The following STRN3 variants were observed in gnomAD, a reference collection of about 807,000 sequenced individuals.
The protein encoded by STRN3 is striatin-3.
A neutral mutation model predicts 95.6 loss-of-function variants in STRN3; 29 were observed. The ratio of observed to expected loss-of-function variants is 0.30; its 90% CI spans 0.23 to 0.41. The LOEUF is 0.41. Ranked by LOEUF, STRN3 falls within the 10% of genes least tolerant of loss-of-function variation. STRN3 has a pLI of 1.00. For missense variants in STRN3, 890 were observed against 972.1 expected (o/e 0.92, Z 1.12); for synonymous variants, 331 against 357.6 (o/e 0.93, Z 0.84).
At chr14:31,020,911 A>G (rs1883475998) in intron 1 of STRN3, among the ~76,000 whole-genome samples, 1 of 152,276 alleles carries the variant, frequency 6.6e-6, no homozygotes, top group Admixed American at 6.5e-5. Context: ...CTCTTGAAAA[A>G]AAAAAAAATT....
chr14:30,929,967 A>AAAAAAAAAAAAAAAAAAAAAC (rs1555317336), intron 7 of STRN3, among the ~76,000 whole-genome samples: 72 of 91,182 alleles, frequency 7.9e-4, no homozygotes, highest in Non-Finnish European at 1.0e-3. Flanking sequence ...AAAAAAAAAA[A>AAAAAAAAAAAAAAAAAAAAAC]AAAAAAAAAA....
rs143095251 is a variant in STRN3 at position 30,934,507 on chromosome 14, T to C, written c.988+656A>G. Among the ~76,000 whole-genome samples, 289 of 152,306 alleles carry C rather than the reference T, an allele frequency of 1.9e-3. 1 individual carries two copies. The highest frequency in any genetic ancestry group is 6.8e-3 in the African/African-American group (284 of 41,572). ...ATATTTTTACACTTATTTTACTTCC[T>C]AATGGGGTTTTTAACCATGTACAGA... On this transcript the variant is annotated intron_variant, in intron 7 of 17. Coordinates refer to ENST00000357479, the MANE Select transcript of STRN3 (RefSeq NM_001083893.2).
intron 1 of STRN3, among the ~76,000 whole-genome samples, chr14:31,003,666 C>T (rs541495573): frequency 8.5e-5 from 13 of 152,164 alleles, no homozygotes; most frequent in South Asian, 8.3e-4. Flanking sequence ...TACAGATGCT[C>T]GATCTTGAAC....
chr14:30,985,264 C>A (rs1415014208), intron 1 of STRN3, among the ~76,000 whole-genome samples: 2 of 142,730 alleles, frequency 1.4e-5, no homozygotes, highest in East Asian at 4.2e-4. Flanking sequence ...GCCACGATGG[C>A]ACCATTGCAC....
chr14:30,906,405 T>C (rs1896461618), intron 14 of STRN3, among the ~76,000 whole-genome samples: 2 of 152,228 alleles, frequency 1.3e-5, no homozygotes, highest in Admixed American at 1.3e-4. Flanking sequence ...AAAGCCTTTT[T>C]AAATAGGAAA....
At chr14:30,957,113 G>A (rs1879949240) in intron 1 of STRN3, among the ~76,000 whole-genome samples, 2 of 151,964 alleles carry the variant, frequency 1.3e-5, no homozygotes, top group South Asian at 4.1e-4. Flanking sequence ...AGCCGAGATG[G>A]TGCCACTGCA....
At chr14:30,959,695 A>T (rs1189814158) in intron 1 of STRN3, among the ~76,000 whole-genome samples, 6 of 152,028 alleles carry the variant, frequency 3.9e-5, no homozygotes, top group Middle Eastern at 6.3e-3. Context: ...GTGGCACATG[A>T]CTATAATGCC....
At chr14:30,979,310 A>G (rs985103929) in intron 1 of STRN3, among the ~76,000 whole-genome samples, 10 of 152,156 alleles carry the variant, frequency 6.6e-5, no homozygotes, top group African/African-American at 2.4e-4. Flanking sequence ...TTGTGAAGAT[A>G]AGGTCAAAGA....
chr14:30,966,530 C>A (rs144187573), intron 1 of STRN3, among the ~76,000 whole-genome samples: 1 of 152,082 alleles, frequency 6.6e-6, no homozygotes, highest in African/African-American at 2.4e-5. Flanking sequence ...AGGAATAACC[C>A]GAGCTCTCAG....
intron 8 of STRN3, among the ~76,000 whole-genome samples, chr14:30,927,117 A>G (rs977661200): frequency 6.6e-6 from 1 of 152,194 alleles, no homozygotes; most frequent in African/African-American, 2.4e-5. Context: ...CAGCTTGGGC[A>G]ATACAGAGAA....
chr14:30,975,377 A>T (rs1881042236), intron 1 of STRN3, among the ~76,000 whole-genome samples: 1 of 151,960 alleles, frequency 6.6e-6, no homozygotes, highest in Non-Finnish European at 1.5e-5. Context: ...TAAGAATGAT[A>T]TAATGAACTT....
At position 30,934,052 on chromosome 14, in the gene STRN3, G is replaced by A. The variant is rs756415566; in HGVS notation, c.988+1111C>T. Among the ~76,000 whole-genome samples, 59 of 152,260 alleles carry A rather than the reference G, an allele frequency of 3.9e-4. 1 individual carries two copies. Among genetic ancestry groups the A allele is most frequent in the Admixed American group, 3.7e-3 (57 of 15,296 alleles). On this transcript the variant is annotated intron_variant, in intron 7 of 17. Transcript: ENST00000357479. ...TAAAATAACCTTCTCCAGGCCAGGC[G>A]CGGTGGTTCATGCCTGTAATCCCAG...
intron 9 of STRN3, among the ~76,000 whole-genome samples, 183 bp from the exon 10 acceptor site, chr14:30,913,840 T>G (rs906013710): frequency 6.6e-6 from 1 of 152,236 alleles, no homozygotes; most frequent in African/African-American, 2.4e-5. Flanking sequence ...GGAACTGTGG[T>G]GTATTAACTG....
chr14:30,979,982 C>G (rs1293027275), intron 1 of STRN3, among the ~76,000 whole-genome samples: 1 of 115,648 alleles, frequency 8.6e-6, no homozygotes, highest in African/African-American at 2.9e-5. Flanking sequence ...GGTGCGGTGG[C>G]TCACGCCTGT....
chr14:30,950,760 C>A, intron 4 of STRN3, 103 bp downstream of exon 4: 1 of 1,097,324 alleles, frequency 9.1e-7, no homozygotes, highest in South Asian at 1.6e-5. Flanking sequence ...ATACAAAAAA[C>A]ATACACATTG....
chr14:31,018,550 G>C (rs1411618829), intron 1 of STRN3: 1 of 451,594 alleles, frequency 2.2e-6, no homozygotes, highest in African/African-American at 2.0e-5. Flanking sequence ...TGGCTGAAGA[G>C]GGACTGCACT....
intron 4 of STRN3, among the ~76,000 whole-genome samples, chr14:30,948,181 T>C (rs978801722): frequency 1.3e-5 from 2 of 152,234 alleles, no homozygotes; most frequent in Non-Finnish European, 2.9e-5. Context: ...GATGGTTACA[T>C]GATGGGTACA....
Position 31,025,909 on chromosome 14 carries a change from G to C in STRN3, c.277C>G (p.Leu93Val). 2 of 1,600,606 alleles carry C rather than the reference G, an allele frequency of 1.2e-6. No homozygotes were observed. The highest frequency in any genetic ancestry group is 1.7e-5 in the Admixed American group (1 of 58,324). ...RAHWEVERAE[L>V]QARIAFLQGE... ...CACCGACCCCAACGAGGTACCTGCA[G>C]TTCGGCCCGTTCCACCTCCCAGTGC... Residue 93 changes from leucine to valine, a missense_variant, in exon 1 of 18, where the codon CTG becomes GTG. Around this residue, in one of 3 missense-constraint regions of STRN3, gnomAD observed 526 missense variants for 526.3 expected, o/e 1.00. Transcript: ENST00000357479.
intron 16 of STRN3, among the ~76,000 whole-genome samples, chr14:30,898,783 A>G (rs1003649538): frequency 2.0e-5 from 3 of 152,238 alleles, no homozygotes; most frequent in Admixed American, 2.0e-4. Flanking sequence ...AAGGAAATAA[A>G]GGCTGGACAG....
Sources: allele counts gnomAD v4.1 joint callset (sites outside exome capture counted in the v4.1 genomes callset), GRCh38; gene constraint gnomAD v4.1.1; regional missense constraint gnomAD v4.1.1; transcripts MANE v1.5; gene names NCBI Gene and HGNC (gene_info 2026-07-23, HGNC 2026-07-21).